Variants in SLC14A2 observed in about 807,000 individuals in gnomAD.
SLC14A2 encodes the protein solute carrier family 14 member 2, also known as urea transporter 2.
SLC14A2 carries 91 observed loss-of-function variants against 104.6 expected under a neutral mutation model. The ratio of observed to expected loss-of-function variants is 0.87; its 90% CI spans 0.73 to 1.04. SLC14A2 has a LOEUF of 1.04. Among genes scored for constraint, SLC14A2 ranks in the 50% least tolerant of loss-of-function variants. The pLI is 0.00. For synonymous variants in SLC14A2, 476 were observed against 466.4 expected (o/e 1.02, Z -0.27); for missense variants, 1,189 against 1,156.0 (o/e 1.03, Z -0.41).
Position 45,232,835 on chromosome 18 carries a change from G to A in SLC14A2, c.-125+19644G>A, listed in dbSNP as rs914254537. 1.3e-4 allele frequency among the ~76,000 whole-genome samples: 20 copies of A among 152,298 alleles called. No homozygotes were observed. The East Asian group carries it at 1.7e-3, about 13-fold the overall frequency. Reference sequence around the variant, plus strand: ...TATAGGCCCATTTTGAGGCACATTCGTGAAACCACAAAAGGGTAATGTGAC... The same window carrying A: ...TATAGGCCCATTTTGAGGCACATTCATGAAACCACAAAAGGGTAATGTGAC... On this transcript the variant is annotated intron_variant, in intron 1 of 20. Transcript: ENST00000586448.
At chr18:45,398,691 C>G (rs148555850) in intron 1 of SLC14A2, among the ~76,000 whole-genome samples, 298 of 152,168 alleles carry the variant, frequency 2.0e-3, no homozygotes, top group Non-Finnish European at 3.3e-3. Context: ...TGAAATAAGC[C>G]AGTCAACCCC....
At chr18:45,191,120 C>A in the SLC14A2 span, among the ~76,000 whole-genome samples, 4 of 152,150 alleles carry the variant, frequency 2.6e-5, no homozygotes, top group East Asian at 5.8e-4. Flanking sequence ...CCTCTTGGTT[C>A]ATCTCTTCCC....
At chr18:45,400,335 G>T (rs1391845463) in intron 1 of SLC14A2, among the ~76,000 whole-genome samples, 1 of 152,178 alleles carries the variant, frequency 6.6e-6, no homozygotes, top group Non-Finnish European at 1.5e-5. Context: ...TCATTTTGTA[G>T]AATATCCCTC....
At chr18:45,475,642 GAT>G (rs137928157) in intron 1 of SLC14A2, among the ~76,000 whole-genome samples, 386 of 49,114 alleles carry the variant, frequency 7.9e-3, no homozygotes, top group Middle Eastern at 0.053. Flanking sequence ...ATATATTTAG[GAT>G]ATATATATAT....
At chr18:45,454,691 G>A (rs1173221401) in intron 1 of SLC14A2, among the ~76,000 whole-genome samples, 6 of 152,158 alleles carry the variant, frequency 3.9e-5, no homozygotes, top group African/African-American at 7.2e-5. Context: ...TAAGGTGTAC[G>A]GAAGGGGTCC....
Position 45,517,942 on chromosome 18 carries a change from C to G in SLC14A2, c.-35+34620C>G, listed in dbSNP as rs1436601609. On this transcript the variant is annotated intron_variant, in intron 2 of 20. Transcript: ENST00000586448. The stretch of plus-strand genomic sequence containing the variant: ...AAGAATAAGGTGCTTATTGTAACTG[C>G]TGTAGAAGATTGTTGAACTGGAATT... Among the ~76,000 whole-genome samples the G allele has an allele frequency of 3.3e-5, 5 of 152,164 alleles. 1 individual carries two copies. The highest frequency in any genetic ancestry group is 3.3e-4 in the Admixed American group (5 of 15,278).
At chr18:45,272,133 C>T (rs910397366) in intron 1 of SLC14A2, among the ~76,000 whole-genome samples, 1 of 151,986 alleles carries the variant, frequency 6.6e-6, no homozygotes, top group Non-Finnish European at 1.5e-5. Flanking sequence ...AATCCTTTTA[C>T]ACTCTTGGTG....
At chr18:45,645,134 G>C (rs2045597037) in intron 10 of SLC14A2, among the ~76,000 whole-genome samples, 1 of 152,148 alleles carries the variant, frequency 6.6e-6, no homozygotes, top group African/African-American at 2.4e-5. Context: ...TTCTGTTCCT[G>C]TGTTAGTTTG....
At chr18:45,209,182 A>G, upstream of SLC14A2, among the ~76,000 whole-genome samples, 1 of 120,722 alleles carries the variant, frequency 8.3e-6, no homozygotes, top group Non-Finnish European at 1.8e-5. Context: ...TAAAAATACA[A>G]AAAAAAAAAA....
chr18:45,534,126 T>C (rs971145782), intron 2 of SLC14A2, among the ~76,000 whole-genome samples: 4 of 152,156 alleles, frequency 2.6e-5, no homozygotes, highest in African/African-American at 9.7e-5. Flanking sequence ...GAAGGTGCTT[T>C]GAGTGTGAGG....
intron 2 of SLC14A2, among the ~76,000 whole-genome samples, chr18:45,504,692 G>C (rs770208074): frequency 1.4e-4 from 21 of 152,162 alleles, no homozygotes; most frequent in Non-Finnish European, 2.8e-4. Flanking sequence ...GGATACCTGG[G>C]CCTGGCAGCA....
chr18:45,234,917 A>T (rs2084210233), intron 1 of SLC14A2, among the ~76,000 whole-genome samples: 1 of 152,200 alleles, frequency 6.6e-6, no homozygotes, highest in Admixed American at 6.5e-5. Flanking sequence ...AGTGAGACAG[A>T]TGAAGCAGGT....
intron 1 of SLC14A2, among the ~76,000 whole-genome samples, chr18:45,282,386 G>C (rs1214431970): frequency 6.6e-6 from 1 of 152,110 alleles, no homozygotes; most frequent in Non-Finnish European, 1.5e-5. Context: ...CTAAGAATTG[G>C]GGGACTGTCC....
rs949712659 is a variant in SLC14A2, at chr18:45,662,374, C to G, written c.1352-1411C>G. ...CCCCACAGACCCTCTTGTTGTTGGC[C>G]CTGCTATGTTCTGAGCTTTGCCATA... On this transcript the variant is annotated intron_variant, in intron 10 of 19. Coordinates refer to ENST00000255226, the MANE Select transcript of SLC14A2 (RefSeq NM_007163.4). Among the ~76,000 whole-genome samples the G allele has an allele frequency of 3.9e-5, 6 of 152,266 alleles. No individual in the cohort carries two copies. In the East Asian group the frequency reaches 1.2e-3, roughly 29 times the overall value.
At chr18:45,393,950 A>G (rs970311016) in intron 1 of SLC14A2, among the ~76,000 whole-genome samples, 1 of 152,194 alleles carries the variant, frequency 6.6e-6, no homozygotes, top group Non-Finnish European at 1.5e-5. Context: ...AGTGATGGAG[A>G]TGGGATCCAG....
At chr18:45,567,109 G>A (rs1225426772) in intron 2 of SLC14A2, among the ~76,000 whole-genome samples, 1 of 135,630 alleles carries the variant, frequency 7.4e-6, no homozygotes, top group Non-Finnish European at 1.5e-5. Context: ...TAACTCACAA[G>A]GAGAAAAAGG....
chr18:45,650,681 C>T (rs550190610), intron 10 of SLC14A2, among the ~76,000 whole-genome samples: 18 of 152,302 alleles, frequency 1.2e-4, no homozygotes, highest in East Asian at 7.7e-4. Context: ...GATGAGGATG[C>T]GGACTGCCTG....
intron 1 of SLC14A2, among the ~76,000 whole-genome samples, chr18:45,263,094 C>T (rs2084556029): frequency 2.0e-5 from 3 of 152,162 alleles, no homozygotes; most frequent in Admixed American, 1.3e-4. Context: ...AGAATCTAAT[C>T]CAGGGACCTA....
intron 2 of SLC14A2, among the ~76,000 whole-genome samples, chr18:45,526,256 A>G (rs754092174): frequency 6.6e-6 from 1 of 152,214 alleles, no homozygotes; most frequent in Non-Finnish European, 1.5e-5. Flanking sequence ...GCTGAAGGTA[A>G]TAAAAAATCC....
Sources: allele counts gnomAD v4.1 joint callset (sites outside exome capture counted in the v4.1 genomes callset), GRCh38; gene constraint gnomAD v4.1.1; transcripts MANE v1.5; gene names NCBI Gene and HGNC (gene_info 2026-07-23, HGNC 2026-07-21).